The following EFCAB5 variants were observed in gnomAD, a reference collection of about 807,000 sequenced individuals.
EFCAB5 encodes EF-hand calcium-binding domain-containing protein 5.
Under a neutral mutation model 167.9 loss-of-function variants are expected in EFCAB5, and 131 were observed. The ratio of observed to expected loss-of-function variants is 0.78; its 90% confidence interval spans 0.68 to 0.90. EFCAB5 has a LOEUF of 0.90. EFCAB5 is among the 40% of genes least tolerant of loss of function. The pLI, the probability that EFCAB5 is intolerant of heterozygous loss-of-function variation, is 0.00. For missense variants in EFCAB5, 1,663 were observed against 1,745.2 expected, an observed-to-expected ratio of 0.95 and a Z score of 0.84; for synonymous variants, 574 against 602.8, an observed-to-expected ratio of 0.95 and a Z score of 0.70.
rs2071179733 is a variant in EFCAB5 at position 30,090,724 on chromosome 17, G to C, written c.3937+50G>C. 1.9e-6 allele frequency: 3 copies of C among 1,558,162 alleles called. No homozygotes were observed. In the East Asian group the frequency reaches 6.7e-5, roughly 35 times the overall value. On this transcript the variant is annotated intron_variant, in intron 20 of 22. Transcript: ENST00000394835. ...AAATTCACAGGTTTAATAGGTTTTGGGGAAATCACAGGGAGTGCAATGAAA... is the reference window on the plus strand; with the variant it reads ...AAATTCACAGGTTTAATAGGTTTTGCGGAAATCACAGGGAGTGCAATGAAA...
At chr17:30,016,447 C>G (rs2069044332) in intron 7 of EFCAB5, among the ~76,000 whole-genome samples, 1 of 152,056 alleles carries the variant, frequency 6.6e-6, no homozygotes, top group Non-Finnish European at 1.5e-5. Flanking sequence ...GGTAGTAAAA[C>G]TTTTTAAAAG....
chr17:30,000,558 A>T (rs747039555), intron 7 of EFCAB5, among the ~76,000 whole-genome samples: 3 of 152,170 alleles, frequency 2.0e-5, no homozygotes, highest in Non-Finnish European at 2.9e-5. Context: ...TCCACAGCCT[A>T]CTTATATATT....
At chr17:30,088,213 C>G (rs1370884752) in intron 19 of EFCAB5, among the ~76,000 whole-genome samples, 1 of 152,112 alleles carries the variant, frequency 6.6e-6, no homozygotes, top group African/African-American at 2.4e-5. Flanking sequence ...GTCTCAAACT[C>G]CTGGACTCAA....
At chr17:30,028,476 T>C (rs561332457) in intron 7 of EFCAB5, among the ~76,000 whole-genome samples, 40 of 152,206 alleles carry the variant, frequency 2.6e-4, no homozygotes, top group African/African-American at 7.9e-4. Flanking sequence ...TTTGGCGAGG[T>C]TGAGGCAAGT....
chr17:30,064,447 G>T (rs188803295), intron 14 of EFCAB5, among the ~76,000 whole-genome samples: 11 of 152,134 alleles, frequency 7.2e-5, no homozygotes, highest in Non-Finnish European at 1.5e-4. Flanking sequence ...CTTGAAGATA[G>T]GCCATTTAAA....
intron 7 of EFCAB5, among the ~76,000 whole-genome samples, chr17:30,004,143 G>T (rs1406326605): frequency 1.3e-5 from 2 of 152,212 alleles, no homozygotes; most frequent in Non-Finnish European, 2.9e-5. Context: ...ATTATTGGTG[G>T]CTCTGCCCCA....
chr17:29,989,731 T>G (rs2068370997), intron 4 of EFCAB5, among the ~76,000 whole-genome samples: 1 of 152,224 alleles, frequency 6.6e-6, no homozygotes, highest in Non-Finnish European at 1.5e-5. Flanking sequence ...CTATGTGTCC[T>G]TTTTCTAATT....
At chr17:30,088,384 G>C (rs1447154724) in intron 19 of EFCAB5, among the ~76,000 whole-genome samples, 2 of 151,842 alleles carry the variant, frequency 1.3e-5, no homozygotes, top group Admixed American at 6.6e-5. Flanking sequence ...TTTTAAAATT[G>C]CATGTTTTAA....
At chr17:30,051,340 A>G (rs776012488) in intron 9 of EFCAB5, 123 bp downstream of exon 9, 2 of 739,726 alleles carry the variant, frequency 2.7e-6, no homozygotes, top group Non-Finnish European at 4.4e-6. Flanking sequence ...CCTTCACATA[A>G]TAGCTCTCTT....
chr17:30,073,531 G>T (rs1441562746), intron 14 of EFCAB5: 14 of 569,386 alleles, frequency 2.5e-5, no homozygotes, highest in South Asian at 7.4e-5. Flanking sequence ...GATGCATGTG[G>T]TCCATTTTAA....
At chr17:29,999,712 C>T (rs181869077) in intron 6 of EFCAB5, among the ~76,000 whole-genome samples, 194 bp from the exon 7 acceptor site, 209 of 151,892 alleles carry the variant, frequency 1.4e-3, no homozygotes, top group Middle Eastern at 3.4e-3. Context: ...ATTTGGTTTG[C>T]TTGCTCAGCC....
At chr17:29,951,513 A>AT (rs113648292) in intron 3 of EFCAB5, among the ~76,000 whole-genome samples, 65,809 of 143,796 alleles carry the variant, frequency 0.46, 15,100 homozygotes, top group East Asian at 0.66. Context: ...AATTTTTTGT[A>AT]TTTTTTTTTT....
At chr17:30,028,642 T>C (rs1297487036) in intron 7 of EFCAB5, among the ~76,000 whole-genome samples, 1 of 152,214 alleles carries the variant, frequency 6.6e-6, no homozygotes, top group African/African-American at 2.4e-5. Context: ...AACAAATCCT[T>C]ATTGGCTGTA....
intron 14 of EFCAB5, chr17:30,069,446 G>A: frequency 6.4e-7 from 1 of 1,560,824 alleles, no homozygotes; most frequent in Non-Finnish European, 8.8e-7. Context: ...CACGGAAAAG[G>A]TTTTGCAACA....
intron 7 of EFCAB5, among the ~76,000 whole-genome samples, chr17:30,030,603 A>G (rs1302920911): frequency 2.0e-5 from 3 of 152,022 alleles, no homozygotes; most frequent in Admixed American, 6.5e-5. Flanking sequence ...TCGGCCTCCC[A>G]AGTGCTGGGA....
At chr17:30,073,788 C>CTGTGA (rs1357167364) in intron 14 of EFCAB5, 5 of 553,850 alleles carry the variant, frequency 9.0e-6, no homozygotes, top group Non-Finnish European at 1.4e-5. Context: ...ACAAAGAGCA[C>CTGTGA]TGTGACACTC....
chr17:30,092,859 T>C lies in EFCAB5; in HGVS notation c.4244T>C (p.Val1415Ala). 6.2e-7 allele frequency: 1 copy of C among 1,611,502 alleles called. No individual in the cohort carries two copies. The highest frequency in any genetic ancestry group is 8.5e-7 in the Non-Finnish European group (1 of 1,178,856). ...TCACAGTATGTTAACAAATATTTAG[T>C]CAACAATATTTGTGCCTTTGATCCA... is the stretch of plus-strand genomic sequence containing the variant. ...KCKFYVNKYL[V>A]NNICAFDPTA... Residue 1415 changes from valine to alanine, a missense_variant, in exon 22 of 23, where the codon GTC becomes GCC. Coordinates refer to ENST00000394835, the MANE Select transcript of EFCAB5 (RefSeq NM_198529.4).
intron 18 of EFCAB5, 35 bp downstream of exon 18, chr17:30,083,078 G>T (rs757902177): frequency 6.3e-7 from 1 of 1,599,924 alleles, no homozygotes; most frequent in Non-Finnish European, 8.5e-7. Context: ...ATCTCTCCAA[G>T]GTAGCCGAGT....
intron 19 of EFCAB5, among the ~76,000 whole-genome samples, chr17:30,088,149 T>C (rs906087546): frequency 6.6e-6 from 1 of 152,172 alleles, no homozygotes; most frequent in African/African-American, 2.4e-5. Flanking sequence ...GAGAGATGAG[T>C]TCTCACTGTG....
Sources: gnomAD v4.1 joint callset for allele counts (sites outside exome capture counted in the v4.1 genomes callset) on GRCh38, gnomAD v4.1.1 for gene constraint, MANE v1.5 for transcripts, NCBI Gene and HGNC (gene_info 2026-07-23, HGNC 2026-07-21) for gene names.